The following ECPAS variants were observed in gnomAD, a reference collection of about 807,000 sequenced individuals.
ECPAS encodes proteasome adapter and scaffold protein ECM29.
ECPAS carries 70 observed loss-of-function variants against 255.1 expected under a neutral mutation model. That is an observed-to-expected ratio of 0.27 (90% CI 0.23 to 0.33). ECPAS has a LOEUF of 0.33. ECPAS is among the 10% of genes least tolerant of loss of function. ECPAS has a pLI of 1.00. For missense variants in ECPAS, 1,817 were observed against 2,206.4 expected, an observed-to-expected ratio of 0.82 and a Z score of 3.54; for synonymous variants, 784 against 775.0, an observed-to-expected ratio of 1.01 and a Z score of -0.19.
chr9:111,411,707 G>A (rs1418969313), intron 21 of ECPAS: 1 of 231,532 alleles, frequency 4.3e-6, no homozygotes, highest in African/African-American at 2.3e-5. Context: ...AAGATCAGAT[G>A]AGATTAGGTG....
At chr9:111,410,574 T>G (rs756077832) in intron 22 of ECPAS, among the ~76,000 whole-genome samples, 2 of 152,122 alleles carry the variant, frequency 1.3e-5, no homozygotes, top group Non-Finnish European at 2.9e-5. Flanking sequence ...GGGAGTGCAG[T>G]GGCATGATCA....
chr9:111,415,639 C>T (rs547321633), intron 18 of ECPAS, among the ~76,000 whole-genome samples: 1 of 148,878 alleles, frequency 6.7e-6, no homozygotes, highest in East Asian at 2.0e-4. Flanking sequence ...GGCAAGGTTG[C>T]AATGAACCGA....
chr9:111,387,974 T>C (rs1043872697), intron 31 of ECPAS, among the ~76,000 whole-genome samples: 1 of 152,242 alleles, frequency 6.6e-6, no homozygotes, highest in Admixed American at 6.5e-5. Flanking sequence ...ACCCAGTGCC[T>C]GGTTCATGAC....
At chr9:111,436,544 A>C (rs2098238402) in intron 7 of ECPAS, among the ~76,000 whole-genome samples, 2 of 152,208 alleles carry the variant, frequency 1.3e-5, no homozygotes. Flanking sequence ...CAGCCCTTAA[A>C]AGTTGAATAA....
intron 24 of ECPAS, among the ~76,000 whole-genome samples, chr9:111,403,755 C>T (rs2098179767): frequency 2.0e-5 from 3 of 149,734 alleles, no homozygotes; most frequent in Admixed American, 2.0e-4. Context: ...ACACTCTAGA[C>T]AAAATGGACC....
At chr9:111,440,152 T>G (rs1216118462) in intron 6 of ECPAS, among the ~76,000 whole-genome samples, 1 of 152,114 alleles carries the variant, frequency 6.6e-6, no homozygotes, top group African/African-American at 2.4e-5. Context: ...AAAGACTGAT[T>G]TCATCTTAGG....
intron 15 of ECPAS, among the ~76,000 whole-genome samples, chr9:111,421,625 C>T (rs1041213253): frequency 3.3e-5 from 5 of 152,086 alleles, no homozygotes; most frequent in African/African-American, 9.7e-5. Context: ...TCTACCCCAG[C>T]GGACAGTAGT....
chr9:111,364,846 C>G (rs2098118330), intron 48 of ECPAS, among the ~76,000 whole-genome samples: 1 of 152,160 alleles, frequency 6.6e-6, no homozygotes, highest in South Asian at 2.1e-4. Flanking sequence ...AATTCACAAC[C>G]TGGATATAAT....
chr9:111,462,667 T>C lies in ECPAS; in HGVS notation c.22+10230A>G, dbSNP rs564147003. On this transcript the variant is annotated intron_variant, in intron 2 of 49. Coordinates refer to ENST00000684092, the MANE Select transcript of ECPAS (RefSeq NM_001364929.1). ...TCTAATGAAACATGTCATAGTCCTTTACAGAGAAAATTATAATCCTAACTA... is the reference window on the plus strand; with the variant it reads ...TCTAATGAAACATGTCATAGTCCTTCACAGAGAAAATTATAATCCTAACTA... 2.6e-5 allele frequency among the ~76,000 whole-genome samples: 4 copies of C among 152,036 alleles called. No homozygotes were observed. The South Asian group carries it at 8.3e-4, about 32-fold the overall frequency.
chr9:111,448,474 G>C (rs1303501859), intron 3 of ECPAS, among the ~76,000 whole-genome samples: 1 of 152,180 alleles, frequency 6.6e-6, no homozygotes, highest in African/African-American at 2.4e-5. Context: ...TGTTAAACTT[G>C]TACATCAAAA....
intron 11 of ECPAS, 114 bp from the exon 12 acceptor site, chr9:111,425,610 T>C: frequency 1.9e-6 from 2 of 1,028,662 alleles, no homozygotes; most frequent in Non-Finnish European, 2.8e-6. Flanking sequence ...AAATAATCTA[T>C]TAAAATACAA....
chr9:111,426,163 G>C (rs2098221261), intron 10 of ECPAS, among the ~76,000 whole-genome samples: 1 of 152,142 alleles, frequency 6.6e-6, no homozygotes, highest in African/African-American at 2.4e-5. Context: ...TCTAATAAAA[G>C]CTTCAGAGAA....
intron 17 of ECPAS, 104 bp from the exon 18 acceptor site, chr9:111,416,456 T>C (rs2098203660): frequency 1.3e-6 from 1 of 796,144 alleles, no homozygotes; most frequent in Admixed American, 2.3e-5. Flanking sequence ...TGTCCTAAGT[T>C]TGCTTCTTTT....
chr9:111,435,536 C>G (rs1188253875), intron 7 of ECPAS, among the ~76,000 whole-genome samples: 1 of 152,156 alleles, frequency 6.6e-6, no homozygotes, highest in Non-Finnish European at 1.5e-5. Context: ...ATCTCAAAAC[C>G]TCCATGCCTT....
At chr9:111,477,109 C>CT (rs1010788035) in intron 1 of ECPAS, among the ~76,000 whole-genome samples, 4 of 150,994 alleles carry the variant, frequency 2.6e-5, no homozygotes, top group Non-Finnish European at 5.9e-5. Flanking sequence ...GTCCTTTTTT[C>CT]TTTTTTTTCT....
At chr9:111,369,296 C>A in intron 45 of ECPAS, 123 bp from the exon 46 acceptor site, 1 of 642,936 alleles carries the variant, frequency 1.6e-6, no homozygotes, top group Non-Finnish European at 2.3e-6. Context: ...ATGATAAATT[C>A]TCTACCATAA....
intron 43 of ECPAS, 109 bp downstream of exon 43, chr9:111,371,512 T>A: frequency 1.1e-5 from 11 of 1,033,666 alleles, no homozygotes; most frequent in Middle Eastern, 3.2e-4. Context: ...GAAATCTAGT[T>A]CACAAAAATA....
intron 5 of ECPAS, among the ~76,000 whole-genome samples, chr9:111,441,449 G>A (rs2098245898): frequency 6.6e-6 from 1 of 151,888 alleles, no homozygotes; most frequent in South Asian, 2.1e-4. Context: ...AGGTTGCAGT[G>A]AGCCAAGATT....
intron 24 of ECPAS, among the ~76,000 whole-genome samples, chr9:111,405,397 A>G (rs948474183): frequency 1.0e-4 from 15 of 149,834 alleles, no homozygotes; most frequent in African/African-American, 3.0e-4. Flanking sequence ...TTGTCTCACC[A>G]TATCAAACCA....
Sources: gnomAD v4.1 joint callset for allele counts (sites outside exome capture counted in the v4.1 genomes callset) on GRCh38, gnomAD v4.1.1 for gene constraint, MANE v1.5 for transcripts, NCBI Gene and HGNC (gene_info 2026-07-23, HGNC 2026-07-21) for gene names.